The following COP1 variants were observed in gnomAD, a reference collection of about 807,000 sequenced individuals.
COP1 encodes COP1 E3 ubiquitin ligase.
COP1 carries 24 observed loss-of-function variants against 101.3 expected under a neutral mutation model. The ratio of observed to expected loss-of-function variants is 0.24; its 90% CI spans 0.17 to 0.33. The LOEUF is 0.33. COP1 is among the 10% of genes least tolerant of loss of function. The pLI is 1.00. For missense variants in COP1, 663 were observed against 906.2 expected, an observed-to-expected ratio of 0.73 and a Z score of 3.45; for synonymous variants, 347 against 341.9, an observed-to-expected ratio of 1.01 and a Z score of -0.17.
chr1:176,126,398 C>T (rs189319123), intron 8 of COP1, among the ~76,000 whole-genome samples: 53 of 152,274 alleles, frequency 3.5e-4, no homozygotes, highest in African/African-American at 1.3e-3. Flanking sequence ...CCTTCTATAA[C>T]CAGTTCATTG....
chr1:176,203,164 C>G (rs898286815), intron 1 of COP1, among the ~76,000 whole-genome samples: 1 of 151,868 alleles, frequency 6.6e-6, no homozygotes, highest in African/African-American at 2.4e-5. Context: ...AGTGAAACCC[C>G]GCCTCTACTA....
At chr1:176,144,954 G>T (rs1012764235) in intron 6 of COP1, among the ~76,000 whole-genome samples, 10 of 152,072 alleles carry the variant, frequency 6.6e-5, no homozygotes, top group Admixed American at 6.6e-4. Flanking sequence ...ACCACAGGTG[G>T]AAAAGACTTC....
chr1:176,111,115 G>A (rs1279841672), intron 9 of COP1, among the ~76,000 whole-genome samples: 1 of 152,074 alleles, frequency 6.6e-6, no homozygotes, highest in Non-Finnish European at 1.5e-5. Flanking sequence ...TGGCGCCACT[G>A]CACTCCAGCC....
chr1:176,153,025 C>G (rs995204859), intron 5 of COP1, among the ~76,000 whole-genome samples: 3 of 152,092 alleles, frequency 2.0e-5, no homozygotes, highest in African/African-American at 7.2e-5. Context: ...GCATGAAGAT[C>G]TTCCAAAGCG....
chr1:176,016,131 A>G (rs1022958094), intron 15 of COP1, among the ~76,000 whole-genome samples: 3 of 152,218 alleles, frequency 2.0e-5, no homozygotes, highest in Non-Finnish European at 4.4e-5. Flanking sequence ...TCCAGTAAGT[A>G]GAATAGAAAT....
intron 9 of COP1, among the ~76,000 whole-genome samples, chr1:176,103,449 G>C (rs2502836): frequency 0.75 from 114,143 of 152,112 alleles, 44,807 homozygotes; most frequent in East Asian, 0.92. Context: ...GGTCTAGGAT[G>C]ATCAGGAGAG....
intron 15 of COP1, among the ~76,000 whole-genome samples, chr1:176,006,804 G>T (rs1420057631): frequency 6.6e-6 from 1 of 151,914 alleles, no homozygotes; most frequent in Non-Finnish European, 1.5e-5. Context: ...TTTCAACTTT[G>T]GTGAATCTGA....
rs892028941 is a variant in COP1, at chr1:176,135,156, G to C, written c.892-70C>G. On this transcript the variant is annotated intron_variant, in intron 7 of 19. Coordinates refer to ENST00000367669, the MANE Select transcript of COP1 (RefSeq NM_022457.7). ...AGATATATAAATCAAAAAGAGGCAT[G>C]ATATATTCCTTTCTATTCCCAGGTT... 10 of 1,027,308 alleles carry C rather than the reference G, an allele frequency of 9.7e-6. No homozygotes were observed. In the Admixed American group the frequency reaches 1.5e-4, roughly 15 times the overall value. 63.6% of individuals were successfully genotyped at this position (1,027,308 alleles called of 1,614,324 possible).
At chr1:176,090,874 A>C (rs1413419659) in intron 9 of COP1, among the ~76,000 whole-genome samples, 1 of 152,236 alleles carries the variant, frequency 6.6e-6, no homozygotes, top group Non-Finnish European at 1.5e-5. Flanking sequence ...CTGAAAACAG[A>C]CATGAATACA....
chr1:176,105,368 T>G (rs1288258103), intron 9 of COP1, among the ~76,000 whole-genome samples: 1 of 152,012 alleles, frequency 6.6e-6, no homozygotes, highest in Non-Finnish European at 1.5e-5. Flanking sequence ...TTGAAGAAAA[T>G]TAAACAAATC....
intron 11 of COP1, among the ~76,000 whole-genome samples, chr1:176,079,376 G>T (rs1369915435): frequency 6.6e-6 from 1 of 152,084 alleles, no homozygotes; most frequent in Admixed American, 6.6e-5. Flanking sequence ...ATTAATGCAA[G>T]AACAGAAAAC....
At chr1:176,030,906 T>C (rs1000206525) in intron 14 of COP1, among the ~76,000 whole-genome samples, 3 of 152,194 alleles carry the variant, frequency 2.0e-5, no homozygotes, top group Non-Finnish European at 1.5e-5. Context: ...GGATGGGTCC[T>C]AAATCCATTG....
intron 5 of COP1, among the ~76,000 whole-genome samples, chr1:176,155,391 CA>C (rs1693293053): frequency 6.6e-6 from 1 of 151,586 alleles, no homozygotes; most frequent in African/African-American, 2.4e-5. Flanking sequence ...GCAAAGCAGA[CA>C]TAGCAGAGGA....
chr1:176,154,787 A>G (rs1000610297), intron 5 of COP1, among the ~76,000 whole-genome samples: 1 of 152,232 alleles, frequency 6.6e-6, no homozygotes, highest in African/African-American at 2.4e-5. Flanking sequence ...TGAACTTAAA[A>G]GTTAAATACA....
chr1:175,960,303 C>T (rs1337733515), intron 18 of COP1, among the ~76,000 whole-genome samples: 1 of 152,190 alleles, frequency 6.6e-6, no homozygotes, highest in East Asian at 1.9e-4. Context: ...GGGCAAGTTA[C>T]TTGACCTCTC....
At chr1:176,104,232 G>A (rs909448432) in intron 9 of COP1, among the ~76,000 whole-genome samples, 1 of 152,084 alleles carries the variant, frequency 6.6e-6, no homozygotes, top group Non-Finnish European at 1.5e-5. Context: ...ATAAAGATGA[G>A]ACAAGTATTT....
chr1:176,002,477 G>A (rs1661916620), intron 15 of COP1, among the ~76,000 whole-genome samples: 1 of 151,444 alleles, frequency 6.6e-6, no homozygotes, highest in East Asian at 1.9e-4. Context: ...CTAGCATTAG[G>A]TATATCTCCC....
intron 8 of COP1, chr1:176,133,831 C>T: frequency 2.2e-6 from 1 of 451,228 alleles, no homozygotes; most frequent in Non-Finnish European, 4.4e-6. Context: ...ACTTTTTCTT[C>T]CCTGTATGTA....
chr1:176,000,928 C>T (rs1462227636), intron 15 of COP1, among the ~76,000 whole-genome samples: 4 of 152,032 alleles, frequency 2.6e-5, no homozygotes, highest in Non-Finnish European at 5.9e-5. Context: ...AATTTCAATA[C>T]TATGTCAAAA....
Sources: gnomAD v4.1 joint callset for allele counts (sites outside exome capture counted in the v4.1 genomes callset) on GRCh38, gnomAD v4.1.1 for gene constraint, MANE v1.5 for transcripts, NCBI Gene and HGNC (gene_info 2026-07-23, HGNC 2026-07-21) for gene names.